The following HDAC9 variants were observed in gnomAD, a reference collection of about 807,000 sequenced individuals.
HDAC9 encodes histone deacetylase 9, also known as MEF-2 interacting transcription repressor (MITR) protein.
Under a neutral mutation model 139.4 loss-of-function variants are expected in HDAC9, and 41 were observed. The ratio of observed to expected loss-of-function variants is 0.29; its 90% CI spans 0.23 to 0.38. HDAC9 has a LOEUF of 0.38. Among genes scored for constraint, HDAC9 ranks in the 10% least tolerant of loss-of-function variants. The probability of loss-of-function intolerance (pLI) is 1.00; values close to 1 mark genes in which losing one functional copy is unlikely to be tolerated. For missense variants in HDAC9, 1,147 were observed against 1,297.0 expected (o/e 0.88, Z 1.78); for synonymous variants, 517 against 476.2 (o/e 1.09, Z -1.12).
chr7:18,734,608 C>T (rs191641237), intron 13 of HDAC9, among the ~76,000 whole-genome samples: 66 of 152,248 alleles, frequency 4.3e-4, no homozygotes, highest in African/African-American at 1.4e-3. Flanking sequence ...GGTGTATATG[C>T]GCCACATTTT....
upstream of HDAC9, among the ~76,000 whole-genome samples, chr7:18,494,862 C>G (rs570499595): frequency 1.8e-4 from 28 of 152,166 alleles, no homozygotes; most frequent in African/African-American, 6.5e-4. Context: ...AGAAATCAGA[C>G]TACTTTCTTT....
At chr7:18,257,883 A>G (rs1178561830) in intron 2 of HDAC9, among the ~76,000 whole-genome samples, 4 of 152,222 alleles carry the variant, frequency 2.6e-5, no homozygotes, top group African/African-American at 9.6e-5. Flanking sequence ...TGTGCACTAG[A>G]CACAAACTGT....
chr7:18,407,023 A>G (rs138124494), intron 1 of HDAC9, among the ~76,000 whole-genome samples: 30 of 152,326 alleles, frequency 2.0e-4, no homozygotes, highest in African/African-American at 7.0e-4. Context: ...ATAAGCAATT[A>G]AAGGTGTATC....
intron 2 of HDAC9, among the ~76,000 whole-genome samples, chr7:18,544,800 G>C (rs1436817970): frequency 2.0e-5 from 3 of 152,172 alleles, no homozygotes; most frequent in Non-Finnish European, 2.9e-5. Flanking sequence ...CATTGTGGAG[G>C]TCATTGCCAA....
rs899841294 is a variant in HDAC9, at chr7:18,835,800, T to C, written c.2587-100T>C. The C allele has an allele frequency of 1.4e-5, 14 of 979,644 alleles. No individual in the cohort carries two copies. The African/African-American group carries it at 2.3e-4, about 16-fold the overall frequency. 60.7% of individuals were successfully genotyped at this position (979,644 alleles called of 1,614,324 possible). ...TGGGCTGATTTGATGTGTTGTTTGA[T>C]GTTTATTTCAAGAGCTCCCATGTGC... On this transcript the variant is annotated intron_variant, in intron 20 of 25. Coordinates refer to ENST00000686413, the MANE Select transcript of HDAC9 (RefSeq NM_178425.4).
At chr7:18,907,339 C>T (rs1419869026) in intron 22 of HDAC9, among the ~76,000 whole-genome samples, 1 of 152,170 alleles carries the variant, frequency 6.6e-6, no homozygotes, top group African/African-American at 2.4e-5. Context: ...CTGTTAAACA[C>T]ATTTGTCACT....
chr7:18,916,064 G>A (rs6969316), intron 22 of HDAC9, among the ~76,000 whole-genome samples: 34,778 of 148,894 alleles, frequency 0.23, 4,558 homozygotes, highest in East Asian at 0.38. Context: ...AACCTTAGTC[G>A]TTAGGCCATA....
intron 2 of HDAC9, among the ~76,000 whole-genome samples, chr7:18,211,171 C>T (rs1483806031): frequency 6.6e-6 from 1 of 152,198 alleles, no homozygotes; most frequent in African/African-American, 2.4e-5. Flanking sequence ...ATCTAATCAG[C>T]AGCATTTCAC....
intron 13 of HDAC9, among the ~76,000 whole-genome samples, chr7:18,741,692 A>G (rs912925003): frequency 1.3e-5 from 2 of 152,198 alleles, no homozygotes; most frequent in Non-Finnish European, 2.9e-5. Flanking sequence ...TATACCTTCC[A>G]TAGACAGTGA....
At chr7:18,305,368 T>C (rs1338601879) in intron 1 of HDAC9, among the ~76,000 whole-genome samples, 2 of 152,136 alleles carry the variant, frequency 1.3e-5, no homozygotes, top group African/African-American at 2.4e-5. Context: ...ATGAATAATA[T>C]TAGGTTTGAG....
At chr7:18,763,142 C>A (rs771889725) in intron 15 of HDAC9, among the ~76,000 whole-genome samples, 1 of 152,164 alleles carries the variant, frequency 6.6e-6, no homozygotes, top group African/African-American at 2.4e-5. Context: ...TTATTGAACT[C>A]TTTCACCTAA....
chr7:18,125,909 C>T (rs935790141), intron 1 of HDAC9, among the ~76,000 whole-genome samples: 2 of 152,106 alleles, frequency 1.3e-5, no homozygotes, highest in Non-Finnish European at 2.9e-5. Flanking sequence ...GTAAGTGGTG[C>T]CGAAACAGGC....
chr7:18,497,057 G>C (rs1293990619), intron 2 of HDAC9, among the ~76,000 whole-genome samples: 1 of 152,122 alleles, frequency 6.6e-6, no homozygotes, highest in East Asian at 1.9e-4. Flanking sequence ...AGATGAGCTG[G>C]TGGGAGATTG....
In HDAC9 at chr7:18,330,599, GA is replaced by G. The variant is rs148540621; in HGVS notation, c.-42+40094del. 1.3e-4 allele frequency among the ~76,000 whole-genome samples: 19 copies of G among 145,264 alleles called. 1 individual carries two copies. The highest frequency in any genetic ancestry group is 2.3e-4 in the African/African-American group (9 of 39,804). ...TTTTATATTTCTATACCTCAGGAGG[GA>G]AAAAAAAAACAACCAAAAACTATTT... On this transcript the variant is annotated intron_variant, in intron 1 of 3. Coordinates refer to the HDAC9 transcript ENST00000413509.
chr7:18,890,084 A>G (rs185337780), intron 22 of HDAC9, among the ~76,000 whole-genome samples: 8 of 152,320 alleles, frequency 5.3e-5, no homozygotes, highest in Admixed American at 2.6e-4. Flanking sequence ...AAATAGGACT[A>G]TATCTCATAG....
chr7:18,580,542 G>A (rs1629017), intron 2 of HDAC9, among the ~76,000 whole-genome samples: 82,210 of 151,990 alleles, frequency 0.54, 23,144 homozygotes, highest in African/African-American at 0.71. Context: ...TAGCTTCATC[G>A]TAGTCCTTTC....
intron 17 of HDAC9, among the ~76,000 whole-genome samples, chr7:18,801,491 C>A (rs1793283521): frequency 6.6e-6 from 1 of 151,932 alleles, no homozygotes; most frequent in African/African-American, 2.4e-5. Flanking sequence ...ATTTGGTTTG[C>A]TAATAATATT....
intron 2 of HDAC9, among the ~76,000 whole-genome samples, chr7:18,269,246 A>T (rs1209688617): frequency 6.6e-6 from 1 of 152,136 alleles, no homozygotes; most frequent in Non-Finnish European, 1.5e-5. Context: ...AAAACTCTAA[A>T]CTTTGAAAAA....
intron 2 of HDAC9, among the ~76,000 whole-genome samples, chr7:18,185,105 C>G (rs1410711198): frequency 1.3e-5 from 2 of 152,230 alleles, no homozygotes; most frequent in Non-Finnish European, 2.9e-5. Flanking sequence ...AAGCCCAAGA[C>G]TGGCTTTCAA....
Sources: allele counts gnomAD v4.1 joint callset (sites outside exome capture counted in the v4.1 genomes callset), GRCh38; gene constraint gnomAD v4.1.1; transcripts MANE v1.5; gene names NCBI Gene and HGNC (gene_info 2026-07-23, HGNC 2026-07-21).